The following ISM1 variants were observed in gnomAD, a reference collection of about 807,000 sequenced individuals.
ISM1 encodes isthmin-1.
Under a neutral mutation model 46.3 loss-of-function variants are expected in ISM1, and 25 were observed. The ratio of observed to expected loss-of-function variants is 0.54; its 90% CI spans 0.39 to 0.75. The LOEUF (loss-of-function observed/expected upper bound fraction) is 0.75. Among genes scored for constraint, ISM1 ranks in the 30% least tolerant of loss-of-function variants. ISM1 has a pLI of 0.00. For missense variants in ISM1, 536 were observed against 625.4 expected, an observed-to-expected ratio of 0.86 and a Z score of 1.52; for synonymous variants, 255 against 256.7, an observed-to-expected ratio of 0.99 and a Z score of 0.06.
the ISM1 span, among the ~76,000 whole-genome samples, chr20:13,323,554 T>C: frequency 6.6e-6 from 1 of 152,228 alleles, no homozygotes; most frequent in Non-Finnish European, 1.5e-5. Flanking sequence ...CATATGAAAC[T>C]ACGTTTTCTT....
intron 1 of ISM1, among the ~76,000 whole-genome samples, chr20:13,236,859 G>T (rs1348619417): frequency 1.3e-5 from 2 of 152,226 alleles, no homozygotes; most frequent in Non-Finnish European, 2.9e-5. Flanking sequence ...ATGGTCTTGG[G>T]CAGCTCTGCC....
rs6109787 is a variant in ISM1 at position 13,268,844 on chromosome 20, G to T, written c.139-1660G>T. Among the ~76,000 whole-genome samples the T allele has an allele frequency of 2.8e-3, 423 of 152,292 alleles. 2 individuals are homozygous for T. The highest frequency in any genetic ancestry group is 9.6e-3 in the African/African-American group (398 of 41,568). On this transcript the variant is annotated intron_variant, in intron 1 of 5. Coordinates refer to ENST00000262487, the MANE Select transcript of ISM1 (RefSeq NM_080826.2). ...GTGGGAGGATTACTTGAGCCCAGGA[G>T]TCTGAGGTTGTAGTGAGCTCAGTTG...
Position 13,250,349 on chromosome 20 carries a change from A to G in ISM1, c.139-20155A>G, listed in dbSNP as rs564310966. Among the ~76,000 whole-genome samples the G allele has an allele frequency of 1.2e-4, 18 of 152,326 alleles. No homozygotes were observed. The East Asian group carries it at 3.3e-3, about 28-fold the overall frequency. On this transcript the variant is annotated intron_variant, in intron 1 of 5. Transcript: ENST00000262487. The stretch of plus-strand genomic sequence containing the variant: ...TTAGGAAACTCCTTTGATAAGGCTC[A>G]GAGTCGATTCAGCTTGCGGAGAATT...
intron 3 of ISM1, among the ~76,000 whole-genome samples, chr20:13,284,814 T>C (rs34664721): frequency 0.071 from 10,746 of 152,098 alleles, 532 homozygotes; most frequent in East Asian, 0.23. Context: ...GGGGGACCCA[T>C]ATGAAAAAAA....
chr20:13,299,593 A>C lies in ISM1; in HGVS notation c.*134A>C. 10 of 878,544 alleles carry C rather than the reference A, an allele frequency of 1.1e-5. No individual in the cohort carries two copies. The highest frequency in any genetic ancestry group is 5.0e-5 in the African/African-American group (3 of 59,734). The allele number at this position is 878,544 out of a possible 1,614,324, so 54.4% of individuals were successfully genotyped here. A position where few individuals can be genotyped will look rare whatever the true frequency, so the allele number is the denominator to read the frequency against. ...TGTATATACCACATGAGTATTTCTC[A>C]TACATTACGCTAGGGGCGTGTGCCA... On this transcript the variant is annotated 3_prime_UTR_variant, in exon 6 of 6. Transcript: ENST00000262487. The surrounding 1 kb of genome is among the most constrained non-coding windows in gnomAD (Gnocchi z 5.8).
the ISM1 span, among the ~76,000 whole-genome samples, chr20:13,316,108 GGATATCACTACA>G: frequency 6.6e-6 from 1 of 151,768 alleles, no homozygotes. Flanking sequence ...ATGAAAGAGT[GGATATCACTACA>G]GATATCATGG....
In ISM1 at chr20:13,228,129, T is replaced by C. The variant is rs532232779; in HGVS notation, c.138+6215T>C. 1.8e-4 allele frequency among the ~76,000 whole-genome samples: 27 copies of C among 151,912 alleles called. No individual in the cohort carries two copies. The East Asian group carries it at 5.1e-3, about 28-fold the overall frequency. ...CTGGGATTACAGGTACCCACCACCA[T>C]GCCCGGCTAATTTTTGTATTTTTAG... On this transcript the variant is annotated intron_variant, in intron 1 of 5. Transcript: ENST00000262487.
intron 1 of ISM1, among the ~76,000 whole-genome samples, chr20:13,243,324 C>T (rs143630651): frequency 2.0e-5 from 3 of 152,144 alleles, no homozygotes; most frequent in Non-Finnish European, 4.4e-5. Context: ...TTAGCAGTCC[C>T]AGCTCAGAAG....
the ISM1 span, among the ~76,000 whole-genome samples, chr20:13,311,840 T>G: frequency 6.6e-6 from 1 of 152,180 alleles, no homozygotes; most frequent in Non-Finnish European, 1.5e-5. Flanking sequence ...AAGTTTCAGT[T>G]AGGAGAAACA....
chr20:13,221,842 C>T lies in ISM1; in HGVS notation c.66C>T (p.Thr22=), dbSNP rs1484942731. The change falls in exon 1 of 6, where the codon ACC becomes ACT. Residue 22 remains threonine (T), a synonymous_variant. Transcript: ENST00000262487. Reference sequence around the variant, plus strand: ...TGCTGCTGCTCACGCTGCACATCACCGTGCTGCGCGGCTCGGGAGCCGCCG... The same window carrying T: ...TGCTGCTGCTCACGCTGCACATCACTGTGCTGCGCGGCTCGGGAGCCGCCG... ...LGLLLLTLHI[T]VLRGSGAADG... The T allele has an allele frequency of 2.1e-5, 30 of 1,443,654 alleles. No individual in the cohort carries two copies. Among genetic ancestry groups the T allele is most frequent in the Non-Finnish European group, 2.5e-5 (28 of 1,103,442 alleles). 89.4% of individuals were successfully genotyped at this position (1,443,654 alleles called of 1,614,324 possible).
chr20:13,224,395 C>A (rs2039489729), intron 1 of ISM1, among the ~76,000 whole-genome samples: 2 of 152,160 alleles, frequency 1.3e-5, no homozygotes, highest in South Asian at 4.1e-4. Flanking sequence ...CGTTTTCAGG[C>A]CCCAGAAAGT....
intron 1 of ISM1, among the ~76,000 whole-genome samples, chr20:13,223,156 C>CAA (rs369659111): frequency 2.3e-3 from 272 of 120,164 alleles, no homozygotes; most frequent in African/African-American, 8.7e-3. Context: ...GACTCCGTCT[C>CAA]AAAAAAAAAA....
At chr20:13,283,143 C>A (rs1359559012) in intron 3 of ISM1, among the ~76,000 whole-genome samples, 1 of 152,168 alleles carries the variant, frequency 6.6e-6, no homozygotes, top group Non-Finnish European at 1.5e-5. Flanking sequence ...TGGGCTCAAG[C>A]AGTCCTCCCA....
intron 1 of ISM1, among the ~76,000 whole-genome samples, chr20:13,268,189 C>A (rs1170643820): frequency 6.6e-6 from 1 of 151,380 alleles, no homozygotes; most frequent in Non-Finnish European, 1.5e-5. Flanking sequence ...CTCTTCTCTT[C>A]ACTTCGCTTC....
intron 1 of ISM1, among the ~76,000 whole-genome samples, chr20:13,259,155 C>T (rs904119582): frequency 5.3e-5 from 8 of 151,962 alleles, no homozygotes; most frequent in African/African-American, 9.7e-5. Flanking sequence ...TGGTGGTATG[C>T]GCCTGTAGTC....
rs143496462 is a variant in ISM1 at position 13,274,059 on chromosome 20, T to TTGTGTGTGTG, written c.378+3326_378+3335dup. ...GCCCCCGCCTTCTGTTGGCGTGTAA[T>TTGTGTGTGTG]TGTGTGTGTGTGTGTGTGTATGTGT... On this transcript the variant is annotated intron_variant, in intron 2 of 5. Transcript: ENST00000262487. Among the ~76,000 whole-genome samples, 669 of 150,822 alleles carry TTGTGTGTGTG rather than the reference T, an allele frequency of 4.4e-3. 5 individuals are homozygous for TTGTGTGTGTG. The highest frequency in any genetic ancestry group is 0.015 in the African/African-American group (608 of 41,226).
chr20:13,310,905 A>G, the ISM1 span, among the ~76,000 whole-genome samples: 1 of 152,212 alleles, frequency 6.6e-6, no homozygotes, highest in South Asian at 2.1e-4. Context: ...ATCAAAAAAT[A>G]TAAAGAGGCC....
At chr20:13,252,936 C>T (rs190656101) in intron 1 of ISM1, among the ~76,000 whole-genome samples, 1 of 152,150 alleles carries the variant, frequency 6.6e-6, no homozygotes, top group Non-Finnish European at 1.5e-5. Context: ...CCCAGCCCCC[C>T]CTCTCAGATC....
intron 1 of ISM1, among the ~76,000 whole-genome samples, chr20:13,247,630 T>C (rs1412755220): frequency 1.3e-5 from 2 of 151,912 alleles, no homozygotes; most frequent in East Asian, 3.9e-4. Context: ...AAACCCACCA[T>C]CTAGGCCTCT....
Sources: allele counts gnomAD v4.1 joint callset (sites outside exome capture counted in the v4.1 genomes callset), GRCh38; gene constraint gnomAD v4.1.1; non-coding constraint Gnocchi (gnomAD v3.1); transcripts MANE v1.5; gene names NCBI Gene and HGNC (gene_info 2026-07-23, HGNC 2026-07-21).